The following CLEC4C variants were observed in gnomAD, a reference collection of about 807,000 sequenced individuals.
The protein encoded by CLEC4C is C-type lectin domain family 4 member C.
A neutral mutation model predicts 27.7 loss-of-function variants in CLEC4C; 17 were observed. The ratio of observed to expected loss-of-function variants is 0.61; its 90% CI spans 0.42 to 0.92. The LOEUF (loss-of-function observed/expected upper bound fraction) is 0.92, where lower values mean the gene tolerates loss of function less well. CLEC4C is among the 40% of genes least tolerant of loss of function. CLEC4C has a pLI of 0.00. For missense variants in CLEC4C, 244 were observed against 257.3 expected, an observed-to-expected ratio of 0.95 and a Z score of 0.35; for synonymous variants, 80 against 80.8, an observed-to-expected ratio of 0.99 and a Z score of 0.06.
chr12:7,744,343 A>G (rs895985398), intron 2 of CLEC4C, among the ~76,000 whole-genome samples: 14 of 152,222 alleles, frequency 9.2e-5, no homozygotes, highest in South Asian at 2.1e-4. Flanking sequence ...TGTGAGATGT[A>G]TTTACAACTA....
intron 4 of CLEC4C, among the ~76,000 whole-genome samples, chr12:7,735,047 A>G (rs996554151): frequency 6.6e-6 from 1 of 151,714 alleles, no homozygotes; most frequent in African/African-American, 2.4e-5. Flanking sequence ...CTAAAAATAC[A>G]AAAATTAGCC....
At chr12:7,738,694 G>A (rs1434130728) in intron 3 of CLEC4C, among the ~76,000 whole-genome samples, 7 of 152,064 alleles carry the variant, frequency 4.6e-5, no homozygotes, top group Non-Finnish European at 7.4e-5. Context: ...TAGAGACAGA[G>A]TCTTGCTTCG....
At chr12:7,736,003 G>A (rs762719835) in intron 4 of CLEC4C, among the ~76,000 whole-genome samples, 5 of 152,176 alleles carry the variant, frequency 3.3e-5, no homozygotes, top group African/African-American at 1.2e-4. Context: ...AAGTGGGAGG[G>A]CCAGGTGTGG....
chr12:7,733,475 G>A (rs1468650335), intron 4 of CLEC4C, among the ~76,000 whole-genome samples: 1 of 145,274 alleles, frequency 6.9e-6, no homozygotes, highest in Admixed American at 7.2e-5. Context: ...TGTTGACCAA[G>A]CTGGTCTTTT....
In CLEC4C at chr12:7,745,078, C is replaced by T. The variant is rs142990437; in HGVS notation, c.124+1253G>A. Among the ~76,000 whole-genome samples, 1,029 of 152,240 alleles carry T rather than the reference C, an allele frequency of 6.8e-3. 17 individuals carry two copies. Among genetic ancestry groups the T allele is most frequent in the African/African-American group, 0.023 (972 of 41,554 alleles). On this transcript the variant is annotated intron_variant, in intron 2 of 5. Transcript: ENST00000360345. ...TGGTACCCACCATCAGCACACCCAT[C>T]AAAGTGGAGTTATTGTTATAGAATG...
intron 4 of CLEC4C, among the ~76,000 whole-genome samples, chr12:7,736,897 C>T (rs1040638434): frequency 2.7e-5 from 4 of 150,752 alleles, no homozygotes; most frequent in Non-Finnish European, 5.9e-5. Context: ...AGCAAGACTC[C>T]GTCTCAAAAT....
chr12:7,731,297 C>T (rs1864590944), intron 4 of CLEC4C, among the ~76,000 whole-genome samples: 1 of 152,120 alleles, frequency 6.6e-6, no homozygotes, highest in African/African-American at 2.4e-5. Context: ...CTCTCCCTCC[C>T]AGATAAGCAC....
intron 2 of CLEC4C, among the ~76,000 whole-genome samples, chr12:7,743,793 C>A (rs1864913522): frequency 6.6e-6 from 1 of 152,082 alleles, no homozygotes; most frequent in South Asian, 2.1e-4. Context: ...AAATAACCAT[C>A]TTGTATTAGT....
In CLEC4C at chr12:7,738,090, G is replaced by A. The variant is rs7135116; in HGVS notation, c.236-516C>T. On this transcript the variant is annotated intron_variant, in intron 3 of 5. Transcript: ENST00000360345. ...CACATCTTTAGCAAAAATAAGCTTCGCAATGTTATATTTGTCACTAATAAT... is the reference window on the plus strand; with the variant it reads ...CACATCTTTAGCAAAAATAAGCTTCACAATGTTATATTTGTCACTAATAAT... 4.7e-3 allele frequency among the ~76,000 whole-genome samples: 721 copies of A among 152,096 alleles called. 4 individuals are homozygous for A. The highest frequency in any genetic ancestry group is 0.016 in the African/African-American group (681 of 41,492).
chr12:7,748,055 C>T (rs1294686337), upstream of CLEC4C, among the ~76,000 whole-genome samples: 4 of 152,068 alleles, frequency 2.6e-5, no homozygotes, highest in Admixed American at 1.3e-4. Context: ...ACCACGTGCC[C>T]GGCCACTGCT....
upstream of CLEC4C, among the ~76,000 whole-genome samples, chr12:7,748,039 T>C (rs1015240541): frequency 6.6e-5 from 10 of 152,042 alleles, no homozygotes; most frequent in African/African-American, 2.2e-4. Context: ...GTTACCGTTG[T>C]GAGCCACCAC....
At chr12:7,740,361 T>A (rs1056669151) in intron 3 of CLEC4C, among the ~76,000 whole-genome samples, 2 of 152,074 alleles carry the variant, frequency 1.3e-5, no homozygotes. Context: ...TATTTACTGT[T>A]GAACTTAGTG....
At chr12:7,747,119 GC>G (rs1294339921) in intron 1 of CLEC4C, among the ~76,000 whole-genome samples, 198 bp downstream of exon 1, 1 of 152,136 alleles carries the variant, frequency 6.6e-6, no homozygotes, top group Non-Finnish European at 1.5e-5. Context: ...CACCGCGCCC[GC>G]CCGGCCTTTC....
At chr12:7,731,690 G>A (rs758433663) in intron 4 of CLEC4C, among the ~76,000 whole-genome samples, 9 of 152,138 alleles carry the variant, frequency 5.9e-5, no homozygotes, top group Non-Finnish European at 1.2e-4. Flanking sequence ...ACAGGAGCAC[G>A]CTCTAGCCAT....
intron 5 of CLEC4C, 83 bp downstream of exon 5, chr12:7,730,714 G>T: frequency 1.4e-5 from 9 of 639,386 alleles, no homozygotes; most frequent in East Asian, 3.0e-5. Context: ...GGGTTTTATT[G>T]TTTGTTTGCT....
Position 7,746,415 on chromosome 12 carries a change from G to A in CLEC4C, c.40C>T (p.Leu14Phe), listed in dbSNP as rs965136578. The change falls in exon 2 of 6, where the codon CTC becomes TTC. Residue 14 changes from leucine (L) to phenylalanine (F), a missense_variant. Leu to Phe is a conservative substitution (Grantham distance 22). Coordinates refer to ENST00000360345, the MANE Select transcript of CLEC4C (RefSeq NM_001371390.1). ...CAGACCTTCAACTGGAACCACCAGA[G>A]TCCTTTCTCTGTCAGATCAGCATGA... ...EEEPQDREKG[L>F]WWFQLKVWSM... The A allele has an allele frequency of 4.3e-6, 7 of 1,611,220 alleles. No homozygotes were observed. Among genetic ancestry groups the A allele is most frequent in the African/African-American group, 4.0e-5 (3 of 74,862 alleles).
At chr12:7,733,497 T>C (rs1864646704) in intron 4 of CLEC4C, among the ~76,000 whole-genome samples, 1 of 149,788 alleles carries the variant, frequency 6.7e-6, no homozygotes, top group African/African-American at 2.5e-5. Flanking sequence ...TTTTTTTTTT[T>C]TTGAGACTGA....
chr12:7,729,779 T>A, intron 5 of CLEC4C, 39 bp from the exon 6 acceptor site: 1 of 1,606,812 alleles, frequency 6.2e-7, no homozygotes, highest in Non-Finnish European at 8.5e-7. Flanking sequence ...TTTGAAACCG[T>A]GGTTTGGAAA....
At chr12:7,747,267 C>T (rs1389372493) in intron 1 of CLEC4C, 51 bp downstream of exon 1, 1 of 1,568,264 alleles carries the variant, frequency 6.4e-7, no homozygotes, top group Non-Finnish European at 8.8e-7. Context: ...CTGTTTCCCA[C>T]TCCATCCTGC....
Sources: allele counts gnomAD v4.1 joint callset (sites outside exome capture counted in the v4.1 genomes callset), GRCh38; gene constraint gnomAD v4.1.1; transcripts MANE v1.5; gene names NCBI Gene and HGNC (gene_info 2026-07-23, HGNC 2026-07-21).